The following PRDM4 variants were observed in gnomAD, a reference collection of about 807,000 sequenced individuals.
PRDM4 encodes PR domain zinc finger protein 4.
A neutral mutation model predicts 62.3 loss-of-function variants in PRDM4; 38 were observed. The observed-to-expected ratio is 0.61, with a 90% CI of 0.47 to 0.80. The LOEUF is 0.80. Ranked by LOEUF, PRDM4 falls within the 30% of genes least tolerant of loss-of-function variation. PRDM4 has a pLI of 0.00. For synonymous variants in PRDM4, 339 were observed against 348.2 expected, an observed-to-expected ratio of 0.97 and a Z score of 0.30; for missense variants, 858 against 997.1, an observed-to-expected ratio of 0.86 and a Z score of 1.88.
chr12:107,735,837 A>G (rs1310901994), intron 11 of PRDM4, among the ~76,000 whole-genome samples: 1 of 151,748 alleles, frequency 6.6e-6, no homozygotes, highest in Non-Finnish European at 1.5e-5. Context: ...CAGGTTATTA[A>G]TAAAATCCTG....
intron 2 of PRDM4, among the ~76,000 whole-genome samples, chr12:107,757,888 A>C (rs910796940): frequency 3.3e-5 from 5 of 152,198 alleles, no homozygotes; most frequent in African/African-American, 4.8e-5. Context: ...GGTTGTTATC[A>C]AAAAGTATTA....
chr12:107,751,353 T>G, intron 5 of PRDM4, 62 bp downstream of exon 5: 1 of 1,489,732 alleles, frequency 6.7e-7, no homozygotes, highest in Non-Finnish European at 9.1e-7. Context: ...ACGACTTAAC[T>G]TGTTAGGGAT....
chr12:107,752,141 C>T lies in PRDM4; in HGVS notation c.400G>A (p.Gly134Ser). ...TTGGTGATAGATAATGCTGTATTACCATCAACATTTATAGAGTTAGGGTGG... is the reference window on the plus strand; with the variant it reads ...TTGGTGATAGATAATGCTGTATTACTATCAACATTTATAGAGTTAGGGTGG... The part of the protein sequence containing the change: ...YIHPNSINVD[G>S]NTALSITNNP... Residue 134 changes from glycine to serine, a missense_variant, in exon 5 of 12, where the codon GGT (glycine) becomes AGT (serine). Gly to Ser is a moderately conservative substitution (Grantham distance 56, BLOSUM62 0). Coordinates refer to ENST00000228437, the MANE Select transcript of PRDM4 (RefSeq NM_012406.4). 1 of 1,599,276 alleles carries T rather than the reference C, an allele frequency of 6.3e-7. No homozygotes were observed.
intron 4 of PRDM4, among the ~76,000 whole-genome samples, chr12:107,753,212 T>C (rs1013961254): frequency 6.6e-6 from 1 of 151,954 alleles, no homozygotes; most frequent in African/African-American, 2.4e-5. Flanking sequence ...TCTCTTTTTT[T>C]AAAAAAGTTA....
In PRDM4 at chr12:107,751,649, A is replaced by G. The variant is rs145206718; in HGVS notation, c.892T>C (p.Ser298Pro). The G allele has an allele frequency of 1.5e-4, 248 of 1,613,994 alleles. No individual in the cohort carries two copies. Among genetic ancestry groups the G allele is most frequent in the Non-Finnish European group, 2.0e-4 (238 of 1,179,998 alleles). The change falls in exon 5 of 12, where the codon TCT (serine) becomes CCT (proline). Residue 298 changes from serine to proline, a missense_variant. By Grantham distance (74) the Ser-to-Pro change is moderately conservative. Transcript: ENST00000228437. ...GAGGTAGAGAGTGCCACGCTTACAGAGTTGGTGCTCATGGCCACAGTGTGA... is the reference window on the plus strand; with the variant it reads ...GAGGTAGAGAGTGCCACGCTTACAGGGTTGGTGCTCATGGCCACAGTGTGA... ...SIHTVAMSTN[S>P]VSVALSTSHN...
At chr12:107,746,187 T>C in intron 6 of PRDM4, 88 bp downstream of exon 6, 3 of 1,491,642 alleles carry the variant, frequency 2.0e-6, no homozygotes, top group Non-Finnish European at 2.7e-6. Context: ...GTCCAAATAA[T>C]TACTAAATTA....
In PRDM4 at chr12:107,733,907, G is replaced by T. The variant is rs1395335429; in HGVS notation, c.*303C>A. On this transcript the variant is annotated 3_prime_UTR_variant, in exon 12 of 12. Transcript: ENST00000228437. ...TAAATCTGATTTGTTTGAGCAGAAGGCAGCTTTGATTCAGGCATAAATGCA... is the reference window on the plus strand; with the variant it reads ...TAAATCTGATTTGTTTGAGCAGAAGTCAGCTTTGATTCAGGCATAAATGCA... 2 of 295,470 alleles carry T rather than the reference G, an allele frequency of 6.8e-6. No individual in the cohort carries two copies. The highest frequency in any genetic ancestry group is 1.2e-5 in the Non-Finnish European group (2 of 160,250). 18.3% of individuals were successfully genotyped at this position (295,470 alleles called of 1,614,324 possible).
chr12:107,746,206 CACTTT>C, intron 6 of PRDM4, 64 bp downstream of exon 6: 1 of 1,550,828 alleles, frequency 6.4e-7, no homozygotes, highest in Admixed American at 1.9e-5. Context: ...TATACACATC[CACTTT>C]TACAACTCTA....
At chr12:107,749,224 C>T (rs1890816855) in intron 5 of PRDM4, among the ~76,000 whole-genome samples, 1 of 152,142 alleles carries the variant, frequency 6.6e-6, no homozygotes. Context: ...AGACAGATCT[C>T]TCTCAGGTCC....
chr12:107,739,936 T>G (rs1890461738), intron 10 of PRDM4, among the ~76,000 whole-genome samples: 1 of 151,630 alleles, frequency 6.6e-6, no homozygotes, highest in East Asian at 1.9e-4. Context: ...CAAGATAGAT[T>G]TTATAGTTTT....
rs897113884 is a variant in PRDM4 at position 107,760,984 on chromosome 12, C to T, written c.-284G>A. On this transcript the variant is annotated 5_prime_UTR_variant, in exon 1 of 12. Coordinates refer to ENST00000228437, the MANE Select transcript of PRDM4 (RefSeq NM_012406.4). Reference sequence around the variant, plus strand: ...GCCAGCTGCGCTGGGGGCGCACGCGCCTGCCCCACTGCTTTGTTCCTCATC... The same window carrying T: ...GCCAGCTGCGCTGGGGGCGCACGCGTCTGCCCCACTGCTTTGTTCCTCATC... 1.3e-5 allele frequency: 2 copies of T among 150,124 alleles called. No individual in the cohort carries two copies. Among genetic ancestry groups the T allele is most frequent in the African/African-American group, 4.9e-5 (2 of 41,096 alleles). The allele number at this position is 150,124 out of a possible 1,614,324, so 9.3% of individuals were successfully genotyped here. A position where few individuals can be genotyped will look rare whatever the true frequency, so the allele number is the denominator to read the frequency against.
At position 107,756,928 on chromosome 12, in the gene PRDM4, G is replaced by T; in HGVS notation, c.49C>A (p.Gln17Lys). The change falls in exon 3 of 12, where the codon CAG (glutamine) becomes AAG (lysine). Residue 17 changes from glutamine to lysine, a missense_variant. Coordinates refer to ENST00000228437, the MANE Select transcript of PRDM4 (RefSeq NM_012406.4). ...EMNLSPVGME[Q>K]LTSSSVSNAL... The stretch of plus-strand genomic sequence containing the variant: ...TTGCTCACAGAGGATGAAGTCAGCT[G>T]CTCCATCCCCACTGGACTCAGGTTC... The T allele has an allele frequency of 6.2e-7, 1 of 1,614,120 alleles. No individual in the cohort carries two copies. Among genetic ancestry groups the T allele is most frequent in the Admixed American group, 1.7e-5 (1 of 60,032 alleles).
At chr12:107,745,558 C>A (rs1185356979) in intron 6 of PRDM4, among the ~76,000 whole-genome samples, 1 of 151,950 alleles carries the variant, frequency 6.6e-6, no homozygotes, top group Non-Finnish European at 1.5e-5. Flanking sequence ...CCAGCCTGGG[C>A]AACAGAGTGA....
intron 3 of PRDM4, among the ~76,000 whole-genome samples, chr12:107,755,843 GGGA>G (rs1447158860): frequency 6.6e-6 from 1 of 152,196 alleles, no homozygotes; most frequent in East Asian, 1.9e-4. Flanking sequence ...CCAGCACTCT[GGGA>G]GGCCGAGGAG....
intron 4 of PRDM4, among the ~76,000 whole-genome samples, chr12:107,753,252 G>C (rs1890956592): frequency 6.6e-6 from 1 of 151,956 alleles, no homozygotes; most frequent in African/African-American, 2.4e-5. Context: ...ATATGGTATG[G>C]TCTCAAGGCA....
chr12:107,741,037 A>T lies in PRDM4; in HGVS notation c.1833T>A (p.Gly611=). 4 of 1,614,136 alleles carry T rather than the reference A, an allele frequency of 2.5e-6. No individual in the cohort carries two copies. Among genetic ancestry groups the T allele is most frequent in the Non-Finnish European group, 3.4e-6 (4 of 1,180,014 alleles). Residue 611 remains glycine, a synonymous_variant, in exon 10 of 12, where the codon GGT becomes GGA. Coordinates refer to ENST00000228437, the MANE Select transcript of PRDM4 (RefSeq NM_012406.4). ...ACTTGTGGGGCTTCATACCCATGTG[A>T]CCCATAAAGTGGACATGAAGTTTGG... ...SPSKLHVHFM[G]HMGMKPHKCD... is the part of the protein sequence containing the mutation.
intron 3 of PRDM4, among the ~76,000 whole-genome samples, chr12:107,756,215 G>A (rs942485120): frequency 6.6e-6 from 1 of 152,116 alleles, no homozygotes; most frequent in African/African-American, 2.4e-5. Flanking sequence ...AGCCGAGATC[G>A]TGCCCCTGCA....
In PRDM4 at chr12:107,760,651, C is replaced by A. The variant is rs977853422; in HGVS notation, c.-136G>T. On this transcript the variant is annotated 5_prime_UTR_variant, in exon 2 of 12. Coordinates refer to ENST00000228437, the MANE Select transcript of PRDM4 (RefSeq NM_012406.4). ...CGACGCGGCCACTCGTCCCCGGGGT[C>A]GCCCGGGGCCGCCCAACTTCTCCCG... 24 of 1,059,238 alleles carry A rather than the reference C, an allele frequency of 2.3e-5. No homozygotes were observed. The highest frequency in any genetic ancestry group is 5.7e-5 in the East Asian group (2 of 35,012). The allele number at this position is 1,059,238 out of a possible 1,614,324, so 65.6% of individuals were successfully genotyped here. A position where few individuals can be genotyped will look rare whatever the true frequency, so the allele number is the denominator to read the frequency against.
intron 6 of PRDM4, among the ~76,000 whole-genome samples, chr12:107,745,087 A>G (rs938941079): frequency 4.0e-5 from 6 of 149,068 alleles, no homozygotes; most frequent in African/African-American, 1.2e-4. Context: ...AAAAAAAACA[A>G]TATGCTAGCA....
Sources: gnomAD v4.1 joint callset for allele counts (sites outside exome capture counted in the v4.1 genomes callset) on GRCh38, gnomAD v4.1.1 for gene constraint, MANE v1.5 for transcripts, NCBI Gene and HGNC (gene_info 2026-07-23, HGNC 2026-07-21) for gene names.